Variants in PCDH15 observed in about 807,000 individuals in gnomAD.
PCDH15 encodes protocadherin-15.
Under a neutral mutation model 178.5 loss-of-function variants are expected in PCDH15, and 129 were observed. The ratio of observed to expected loss-of-function variants is 0.72; its 90% confidence interval spans 0.63 to 0.84. The LOEUF (loss-of-function observed/expected upper bound fraction) is 0.84, where lower values mean the gene tolerates loss of function less well. PCDH15 is among the 40% of genes least tolerant of loss of function. The probability of loss-of-function intolerance (pLI) is 0.00; values close to 1 mark genes in which losing one functional copy is unlikely to be tolerated. For synonymous variants in PCDH15, 800 were observed against 732.0 expected (o/e 1.09, Z -1.50); for missense variants, 2,230 against 2,099.9 (o/e 1.06, Z -1.21).
Position 54,688,309 on chromosome 10 carries a change from T to C in PCDH15, c.-28-24019A>G, listed in dbSNP as rs76300111. On this transcript the variant is annotated intron_variant, in intron 1 of 37. Coordinates refer to ENST00000644397, the MANE Select transcript of PCDH15 (RefSeq NM_001384140.1). ...TCATTTTTTTTTCTCTAAGCCTCAA[T>C]TGTACTTCTTTAGACTTGGGCTAAT... 9.5e-3 allele frequency among the ~76,000 whole-genome samples: 1,452 copies of C among 152,082 alleles called. 12 individuals carry two copies. The highest frequency in any genetic ancestry group is 0.031 in the East Asian group (159 of 5,158).
chr10:54,564,895 A>G (rs898318089), intron 2 of PCDH15, among the ~76,000 whole-genome samples: 1 of 152,184 alleles, frequency 6.6e-6, no homozygotes, highest in African/African-American at 2.4e-5. Context: ...AATACATATT[A>G]CATTTTCAAA....
intron 37 of PCDH15, 107 bp downstream of exon 37, chr10:53,810,449 T>A (rs771829837): frequency 4.1e-6 from 4 of 978,658 alleles, no homozygotes; most frequent in Non-Finnish European, 6.4e-6. Flanking sequence ...ACGTACTAAG[T>A]GAAAGGAATT....
At chr10:55,177,172 C>T (rs1008040700) in intron 1 of PCDH15, among the ~76,000 whole-genome samples, 1 of 152,120 alleles carries the variant, frequency 6.6e-6, no homozygotes, top group Non-Finnish European at 1.5e-5. Context: ...TCCTCCTTTT[C>T]CCTCCCCTAA....
At chr10:54,892,149 T>G (rs1954474176) in intron 3 of PCDH15, among the ~76,000 whole-genome samples, 1 of 152,066 alleles carries the variant, frequency 6.6e-6, no homozygotes, top group Non-Finnish European at 1.5e-5. Flanking sequence ...GACTGAGCAT[T>G]TTTTTCATTC....
intron 27 of PCDH15, among the ~76,000 whole-genome samples, chr10:53,858,014 A>G (rs2078868786): frequency 6.6e-6 from 1 of 151,344 alleles, no homozygotes; most frequent in Non-Finnish European, 1.5e-5. Flanking sequence ...CGATTTTAAA[A>G]CAAAAAAAAT....
At position 54,090,068 on chromosome 10, in the gene PCDH15, A is replaced by G; in HGVS notation, c.1918-5T>C. ...GTCTCCCTCTCGATCAGTTGCCTTC[A>G]GAGAGAAAACATAATTCAATTATCA... On this transcript the variant is annotated splice_region_variant and splice_polypyrimidine_tract_variant and intron_variant, in intron 15 of 37. Transcript: ENST00000644397. 1 of 1,604,332 alleles carries G rather than the reference A, an allele frequency of 6.2e-7. No individual in the cohort carries two copies. The highest frequency in any genetic ancestry group is 8.5e-7 in the Non-Finnish European group (1 of 1,171,672).
At chr10:54,096,361 C>G (rs1286175295) in intron 15 of PCDH15, among the ~76,000 whole-genome samples, 1 of 151,944 alleles carries the variant, frequency 6.6e-6, no homozygotes, top group East Asian at 1.9e-4. Flanking sequence ...ATTCTTATAC[C>G]ATAAGCATTA....
intron 15 of PCDH15, among the ~76,000 whole-genome samples, chr10:54,092,286 C>T (rs1170914956): frequency 1.3e-5 from 2 of 152,098 alleles, no homozygotes; most frequent in African/African-American, 2.4e-5. Context: ...CACCACCTTC[C>T]TCATGGATTA....
intron 21 of PCDH15, chr10:53,994,747 C>T (rs866049590): frequency 3.3e-5 from 5 of 151,966 alleles, no homozygotes; most frequent in Non-Finnish European, 7.4e-5. Flanking sequence ...ATTTTGATTC[C>T]ATATAGTCAC....
chr10:54,575,162 A>C (rs1197089459), intron 2 of PCDH15: 1 of 86,666 alleles, frequency 1.2e-5, no homozygotes, highest in South Asian at 4.9e-4. Context: ...GGGTGGGGGG[A>C]GGGGGGAGGG....
At chr10:55,136,356 A>G (rs190637805) in intron 2 of PCDH15, among the ~76,000 whole-genome samples, 1 of 152,048 alleles carries the variant, frequency 6.6e-6, no homozygotes, top group Admixed American at 6.6e-5. Flanking sequence ...ATATTTTTTT[A>G]TTTTCAAGGA....
intron 1 of PCDH15, among the ~76,000 whole-genome samples, chr10:54,712,310 C>T (rs534227414): frequency 4.6e-5 from 7 of 151,596 alleles, no homozygotes; most frequent in East Asian, 1.9e-4. Flanking sequence ...CAAAGCATTT[C>T]GAAATTCATT....
chr10:54,151,117 AT>A (rs561446197), intron 14 of PCDH15, among the ~76,000 whole-genome samples: 4 of 152,236 alleles, frequency 2.6e-5, no homozygotes, highest in Admixed American at 6.5e-5. Context: ...ATAGATGAGT[AT>A]TTTTTTAACA....
chr10:54,120,631 C>G (rs2095200528), intron 15 of PCDH15, among the ~76,000 whole-genome samples: 1 of 152,154 alleles, frequency 6.6e-6, no homozygotes, highest in South Asian at 2.1e-4. Context: ...ACAGGGATTA[C>G]TATTCTCATA....
In PCDH15 at chr10:54,066,783, C is replaced by T. The variant is rs148162562; in HGVS notation, c.2194G>A (p.Ala732Thr). ...TTTACTTGACCCACAAAGGCATTGG[C>T]TTCTTCTTCCACCACAGATAAATTT... The part of the protein sequence containing the change: ...PRNLSVVEEE[A>T]NAFVGQVKAT... The change falls in exon 18 of 38, where the codon GCC becomes ACC. Residue 732 changes from alanine (A) to threonine (T), a missense_variant. Ala to Thr is a moderately conservative substitution (Grantham distance 58). Transcript: ENST00000644397. 81 of 1,613,470 alleles carry T rather than the reference C, an allele frequency of 5.0e-5. 1 individual carries two copies. In the African/African-American group the frequency reaches 1.0e-3, roughly 20 times the overall value.
At chr10:54,994,143 T>C (rs1839577762) in intron 2 of PCDH15, among the ~76,000 whole-genome samples, 1 of 152,180 alleles carries the variant, frequency 6.6e-6, no homozygotes, top group African/African-American at 2.4e-5. Flanking sequence ...TTTTAAAAAA[T>C]GATGTTTTCC....
chr10:55,026,372 T>A (rs1840476051), intron 2 of PCDH15, among the ~76,000 whole-genome samples: 1 of 152,024 alleles, frequency 6.6e-6, no homozygotes, highest in African/African-American at 2.4e-5. Context: ...ACATTATGTA[T>A]ATAATATTAT....
chr10:54,916,676 C>T lies in PCDH15; in HGVS notation c.-79-19176G>A, dbSNP rs114358371. 7.5e-3 allele frequency among the ~76,000 whole-genome samples: 1,136 copies of T among 152,152 alleles called. 14 individuals are homozygous for T. The highest frequency in any genetic ancestry group is 0.026 in the African/African-American group (1,078 of 41,514). On this transcript the variant is annotated intron_variant, in intron 2 of 5. Transcript: ENST00000458638. ...AGCCATCATTACACATCTCACAATC[C>T]GATATCACCTTTTATATCTATCTCC...
chr10:54,448,286 A>G (rs1408214560), intron 3 of PCDH15, among the ~76,000 whole-genome samples: 9 of 151,766 alleles, frequency 5.9e-5, no homozygotes, highest in Non-Finnish European at 1.0e-4. Context: ...TATGTTCATC[A>G]GGAGCTGTGA....
Sources: gnomAD v4.1 joint callset for allele counts (sites outside exome capture counted in the v4.1 genomes callset) on GRCh38, gnomAD v4.1.1 for gene constraint, MANE v1.5 for transcripts, NCBI Gene and HGNC (gene_info 2026-07-23, HGNC 2026-07-21) for gene names.